DCBLD1: variants seen among roughly 807,000 people sequenced by gnomAD.
DCBLD1 encodes discoidin, CUB and LCCL domain containing 1, also known as discoidin, CUB and LCCL domain-containing protein 1.
In DCBLD1, 57 loss-of-function variants were observed where a neutral mutation model predicts 71.5. The observed-to-expected ratio is 0.80, with a 90% CI of 0.64 to 0.99. The LOEUF (loss-of-function observed/expected upper bound fraction) is 0.99, where lower values mean the gene tolerates loss of function less well. DCBLD1 is among the 50% of genes least tolerant of loss of function. The pLI, the probability that DCBLD1 is intolerant of heterozygous loss-of-function variation, is 0.00. For missense variants in DCBLD1, 891 were observed against 923.5 expected (o/e 0.96, Z 0.46); for synonymous variants, 380 against 363.8 (o/e 1.04, Z -0.51).
rs953048315 is a variant in DCBLD1, at chr6:117,538,680, A to G, written c.821A>G (p.Gln274Arg). 1.9e-6 allele frequency: 3 copies of G among 1,614,040 alleles called. No homozygotes were observed. The highest frequency in any genetic ancestry group is 1.3e-5 in the African/African-American group (1 of 74,890). ...DGQIRASSSW[Q>R]SVNESGDQVH... ...CAAATCAGAGCTTCTTCCTCATGGC[A>G]GTCGGTCAATGAGAGTGGAGACCAA... Residue 274 changes from glutamine (Q) to arginine (R), a missense_variant, in exon 8 of 15, where the codon CAG (glutamine) becomes CGG (arginine). Transcript: ENST00000338728.
intron 4 of DCBLD1, among the ~76,000 whole-genome samples, chr6:117,524,075 A>G (rs1203006868): frequency 6.6e-6 from 1 of 152,216 alleles, no homozygotes; most frequent in Non-Finnish European, 1.5e-5. Context: ...TCCCACTGCT[A>G]GCTAGGTAGT....
chr6:117,497,656 ATCTT>A lies in DCBLD1; in HGVS notation c.113-6106_113-6103del, dbSNP rs574256329. Among the ~76,000 whole-genome samples the A allele has an allele frequency of 1.7e-4, 26 of 152,284 alleles. 1 individual carries two copies. The South Asian group carries it at 5.0e-3, about 29-fold the overall frequency. The stretch of plus-strand genomic sequence containing the variant: ...GTCTCAAGAATTTACTTGTTAATAT[ATCTT>A]TCTTCTCTTGACTGGACTTCTTGAA... On this transcript the variant is annotated intron_variant, in intron 1 of 14. Transcript: ENST00000338728.
chr6:117,545,355 G>A, intron 13 of DCBLD1, 123 bp from the exon 14 acceptor site: 1 of 1,305,632 alleles, frequency 7.7e-7, no homozygotes, highest in South Asian at 1.4e-5. Flanking sequence ...CACCTGAGGA[G>A]GACATTGATC....
intron 13 of DCBLD1, among the ~76,000 whole-genome samples, chr6:117,545,220 C>A (rs1779226784): frequency 6.6e-6 from 1 of 151,968 alleles, no homozygotes; most frequent in African/African-American, 2.4e-5. Context: ...CCCAGATGAT[C>A]TCACAAAGGG....
intron 4 of DCBLD1, among the ~76,000 whole-genome samples, chr6:117,521,923 C>T (rs555363217): frequency 3.9e-5 from 6 of 152,256 alleles, no homozygotes; most frequent in Admixed American, 1.3e-4. Flanking sequence ...ATCAGTAGGG[C>T]GGATTTGGCT....
At chr6:117,517,409 C>T (rs144039246) in intron 2 of DCBLD1, among the ~76,000 whole-genome samples, 1 of 152,314 alleles carries the variant, frequency 6.6e-6, no homozygotes, top group East Asian at 1.9e-4. Context: ...CCACTGCTTC[C>T]ACAGGCTGGT....
chr6:117,523,607 G>T (rs1583005625), intron 4 of DCBLD1, among the ~76,000 whole-genome samples: 1 of 152,260 alleles, frequency 6.6e-6, no homozygotes, highest in South Asian at 2.1e-4. Flanking sequence ...TGGCTCTAGG[G>T]AATTGTTACC....
At chr6:117,559,253 C>A (rs1437618969) in intron 14 of DCBLD1, among the ~76,000 whole-genome samples, 1 of 152,054 alleles carries the variant, frequency 6.6e-6, no homozygotes, top group Non-Finnish European at 1.5e-5. Flanking sequence ...AACGGCAATG[C>A]CAGTGAGGAA....
chr6:117,551,759 TAGAC>T (rs1779431770), downstream of DCBLD1, among the ~76,000 whole-genome samples: 1 of 152,210 alleles, frequency 6.6e-6, no homozygotes, highest in South Asian at 2.1e-4. Flanking sequence ...GAATTCATAA[TAGAC>T]AGGTTTTCTT....
chr6:117,548,405 C>T lies in DCBLD1; in HGVS notation c.2114C>T (p.Pro705Leu), dbSNP rs1029686581. Residue 705 changes from proline to leucine, a missense_variant, in exon 15 of 15, where the codon CCC becomes CTC. By Grantham distance (98) the Pro-to-Leu change is moderately conservative. Transcript: ENST00000338728. ...TCTGCCCCCAGAGACTGCCTCACAC[C>T]CCTCAACCAGACGGCCATGACTGCC... ...SYSAPRDCLT[P>L]LNQTAMTALL 1.4e-5 allele frequency: 22 copies of T among 1,550,594 alleles called. No individual in the cohort carries two copies. The highest frequency in any genetic ancestry group is 1.9e-5 in the Non-Finnish European group (22 of 1,147,022).
At chr6:117,543,278 A>T in intron 12 of DCBLD1, 67 bp downstream of exon 12, 1 of 1,383,692 alleles carries the variant, frequency 7.2e-7, no homozygotes, top group East Asian at 2.3e-5. Context: ...CAAAAAGTTT[A>T]TTCTTCAGAA....
In DCBLD1 at chr6:117,532,266, T is replaced by C. The variant is rs779241924; in HGVS notation, c.592T>C (p.Leu198=). 14 of 1,605,120 alleles carry C rather than the reference T, an allele frequency of 8.7e-6. No homozygotes were observed. Among genetic ancestry groups the C allele is most frequent in the Non-Finnish European group, 1.0e-5 (12 of 1,177,626 alleles). ...TGATGTTGCTGTGTTTCAGACCTCTTTATTGTGCAAAGCTGCCATCCATGC... is the reference window on the plus strand; with the variant it reads ...TGATGTTGCTGTGTTTCAGACCTCTCTATTGTGCAAAGCTGCCATCCATGC... ...NMVDGYRDTS[L]LCKAAIHAGI... The change falls in exon 6 of 15, where the codon TTA becomes CTA. Residue 198 remains leucine, a synonymous_variant. Coordinates refer to ENST00000338728, the MANE Select transcript of DCBLD1 (RefSeq NM_001366458.2).
chr6:117,526,192 A>G (rs908244366), intron 5 of DCBLD1, among the ~76,000 whole-genome samples: 1 of 152,176 alleles, frequency 6.6e-6, no homozygotes, highest in Non-Finnish European at 1.5e-5. Context: ...ATAGGGAAAA[A>G]GTTTGACTGT....
intron 6 of DCBLD1, among the ~76,000 whole-genome samples, chr6:117,534,484 C>T (rs190157955): frequency 1.3e-5 from 2 of 152,252 alleles, no homozygotes; most frequent in African/African-American, 2.4e-5. Context: ...ATAACAGGCT[C>T]TAGCCTGAAT....
intron 14 of DCBLD1, among the ~76,000 whole-genome samples, chr6:117,546,961 CAA>C (rs1469639052): frequency 6.6e-6 from 1 of 152,238 alleles, no homozygotes; most frequent in Non-Finnish European, 1.5e-5. Flanking sequence ...ATCCCAGCCT[CAA>C]AGAGTCCTTG....
chr6:117,560,150 A>T (rs528659076), intron 14 of DCBLD1: 1 of 157,188 alleles, frequency 6.4e-6, no homozygotes, highest in Non-Finnish European at 1.4e-5. Flanking sequence ...TGTTTTCCTC[A>T]TAGATAACAA....
At position 117,494,335 on chromosome 6, in the gene DCBLD1, A is replaced by G. The variant is rs546241621; in HGVS notation, c.113-9432A>G. Among the ~76,000 whole-genome samples, 17 of 152,342 alleles carry G rather than the reference A, an allele frequency of 1.1e-4. No individual in the cohort carries two copies. The South Asian group carries it at 2.9e-3, about 26-fold the overall frequency. On this transcript the variant is annotated intron_variant, in intron 1 of 14. Transcript: ENST00000338728. The stretch of plus-strand genomic sequence containing the variant: ...ACTCCAGAGAGAAAAGTCAATATCA[A>G]TATTACACTTTATCTGAATATTGGC...
At chr6:117,563,252 A>G (rs1339152331) in intron 14 of DCBLD1, 14 of 1,612,046 alleles carry the variant, frequency 8.7e-6, no homozygotes, top group Non-Finnish European at 1.2e-5. Context: ...GATATGGTCA[A>G]TTTAATAAGA....
At chr6:117,534,100 A>G (rs1778810149) in intron 6 of DCBLD1, among the ~76,000 whole-genome samples, 1 of 152,168 alleles carries the variant, frequency 6.6e-6, no homozygotes, top group Admixed American at 6.5e-5. Flanking sequence ...ATAGATTTTT[A>G]GCTATGAGAG....
Sources: allele counts gnomAD v4.1 joint callset (sites outside exome capture counted in the v4.1 genomes callset), GRCh38; gene constraint gnomAD v4.1.1; transcripts MANE v1.5; gene names NCBI Gene and HGNC (gene_info 2026-07-23, HGNC 2026-07-21).